Variants in PCSK5 observed in about 807,000 individuals in gnomAD.
PCSK5 encodes proprotein convertase subtilisin/kexin type 5.
A neutral mutation model predicts 233.2 loss-of-function variants in PCSK5; 129 were observed. The observed-to-expected ratio is 0.55, with a 90% CI of 0.48 to 0.64. The LOEUF (loss-of-function observed/expected upper bound fraction) is 0.64. PCSK5 is among the 30% of genes least tolerant of loss of function. The pLI is 0.00. For synonymous variants in PCSK5, 825 were observed against 879.2 expected (o/e 0.94, Z 1.09); for missense variants, 2,076 against 2,430.1 (o/e 0.85, Z 3.06).
chr9:76,007,722 G>A (rs1827537912), intron 3 of PCSK5, among the ~76,000 whole-genome samples: 1 of 151,478 alleles, frequency 6.6e-6, no homozygotes, highest in Non-Finnish European at 1.5e-5. Context: ...GACCTCCTGG[G>A]TTCAAGTGAT....
chr9:75,958,632 T>C (rs1825200291), intron 2 of PCSK5, among the ~76,000 whole-genome samples: 1 of 152,162 alleles, frequency 6.6e-6, no homozygotes, highest in African/African-American at 2.4e-5. Flanking sequence ...AAGATTTTTC[T>C]TTTCCCTTCC....
chr9:76,116,858 G>C (rs376767111), intron 9 of PCSK5, among the ~76,000 whole-genome samples: 1 of 152,034 alleles, frequency 6.6e-6, no homozygotes, highest in East Asian at 1.9e-4. Flanking sequence ...ACGGGACATG[G>C]TTAATTACAA....
At chr9:76,234,389 C>T (rs987908646) in intron 22 of PCSK5, among the ~76,000 whole-genome samples, 14 of 152,152 alleles carry the variant, frequency 9.2e-5, no homozygotes, top group Admixed American at 7.2e-4. Context: ...CCCACCATTC[C>T]CAGTTGTCTC....
intron 24 of PCSK5, among the ~76,000 whole-genome samples, chr9:76,279,158 C>T (rs553005324): frequency 0.015 from 2,113 of 145,002 alleles, 39 homozygotes; most frequent in African/African-American, 0.051. Context: ...TGAGAATATG[C>T]GGTGTTTGGT....
At chr9:76,147,402 TAG>T (rs1478278484) in intron 10 of PCSK5, among the ~76,000 whole-genome samples, 1 of 152,226 alleles carries the variant, frequency 6.6e-6, no homozygotes, top group East Asian at 1.9e-4. Context: ...ATCATGCCTA[TAG>T]AGTCTCAGGA....
At chr9:76,260,337 G>A (rs145694356) in intron 24 of PCSK5, among the ~76,000 whole-genome samples, 10 of 152,302 alleles carry the variant, frequency 6.6e-5, no homozygotes, top group African/African-American at 2.4e-4. Flanking sequence ...ACAGCAAGAG[G>A]ACTTTGAAGA....
Position 76,323,239 on chromosome 9 carries a change from G to A in PCSK5, c.4290G>A (p.Glu1430=), listed in dbSNP as rs1330525239. 6 of 1,612,638 alleles carry A rather than the reference G, an allele frequency of 3.7e-6. No individual in the cohort carries two copies. Among genetic ancestry groups the A allele is most frequent in the Non-Finnish European group, 5.1e-6 (6 of 1,179,696 alleles). ...SWVLYDGLCL[E]ECPAGTYYEK... is the part of the protein sequence containing the mutation. Reference sequence around the variant, plus strand: ...TCCTCTATGATGGACTGTGCTTGGAGGAGTGTCCAGCAGGAACCTATTATG... The same window carrying A: ...TCCTCTATGATGGACTGTGCTTGGAAGAGTGTCCAGCAGGAACCTATTATG... Residue 1430 remains glutamate, a synonymous_variant, in exon 32 of 38, where the codon GAG becomes GAA. Coordinates refer to ENST00000674117, the MANE Select transcript of PCSK5 (RefSeq NM_001372043.1).
At chr9:76,277,073 C>CA (rs1326775364) in intron 24 of PCSK5, among the ~76,000 whole-genome samples, 3 of 151,556 alleles carry the variant, frequency 2.0e-5, no homozygotes, top group East Asian at 1.9e-4. Flanking sequence ...ACAAAAAATA[C>CA]AAAAAAAATT....
chr9:75,902,922 A>G (rs529495752), intron 1 of PCSK5, among the ~76,000 whole-genome samples: 1 of 152,340 alleles, frequency 6.6e-6, no homozygotes, highest in Non-Finnish European at 1.5e-5. Flanking sequence ...AACACTGAAT[A>G]TAGAGGGGAC....
intron 12 of PCSK5, among the ~76,000 whole-genome samples, chr9:76,168,948 G>T (rs1823208948): frequency 6.6e-6 from 1 of 152,088 alleles, no homozygotes; most frequent in Non-Finnish European, 1.5e-5. Context: ...TGTATAAATT[G>T]AATCATGCAG....
chr9:76,157,047 A>G lies in PCSK5; in HGVS notation c.1315A>G (p.Ser439Gly). 6.2e-7 allele frequency: 1 copy of G among 1,610,032 alleles called. No individual in the cohort carries two copies. Among genetic ancestry groups the G allele is most frequent in the Non-Finnish European group, 8.5e-7 (1 of 1,176,326 alleles). ...GACCAGTCTCTCGCTTTCCACAGTG[A>G]GCCATCTTTATGGATTTGGACTGAT... ...WKTNAAGFKV[S>G]HLYGFGLMDA... Residue 439 changes from serine (S) to glycine (G), a missense_variant and splice_region_variant, in exon 11 of 38, where the codon AGC becomes GGC. Ser to Gly is a moderately conservative substitution (Grantham distance 56). Around this residue, in one of 6 missense-constraint regions of PCSK5, gnomAD observed 178 missense variants for 393.6 expected, o/e 0.45. Transcript: ENST00000674117.
At chr9:76,059,690 T>C (rs991965822) in intron 5 of PCSK5, among the ~76,000 whole-genome samples, 1 of 152,070 alleles carries the variant, frequency 6.6e-6, no homozygotes, top group African/African-American at 2.4e-5. Flanking sequence ...AGAAAGGCAG[T>C]TTTCAGAGAG....
At chr9:76,069,004 C>T (rs1462157223) in intron 6 of PCSK5, among the ~76,000 whole-genome samples, 1 of 152,046 alleles carries the variant, frequency 6.6e-6, no homozygotes, top group East Asian at 1.9e-4. Flanking sequence ...TTAAGGTATA[C>T]AATAATAGAA....
intron 5 of PCSK5, among the ~76,000 whole-genome samples, chr9:76,042,493 A>G (rs567413748): frequency 6.6e-6 from 1 of 152,290 alleles, no homozygotes; most frequent in East Asian, 1.9e-4. Context: ...CATTTCTACT[A>G]AAAATACAAA....
chr9:76,009,282 AC>A (rs575026419), intron 3 of PCSK5, among the ~76,000 whole-genome samples: 54 of 152,302 alleles, frequency 3.5e-4, no homozygotes, highest in African/African-American at 1.1e-3. Flanking sequence ...TTTCAGTTGG[AC>A]TAAAACTTTT....
intron 2 of PCSK5, 74 bp downstream of exon 2, chr9:75,932,557 G>C: frequency 1.2e-6 from 1 of 860,664 alleles, no homozygotes; most frequent in South Asian, 1.4e-5. Flanking sequence ...CACACTAGGG[G>C]CTGAGGACCA....
chr9:76,332,385 C>G (rs142098975), intron 33 of PCSK5, 48 bp from the exon 34 acceptor site: 1 of 1,437,282 alleles, frequency 7.0e-7, no homozygotes, highest in Non-Finnish European at 9.7e-7. Context: ...ACAGGGGAGA[C>G]ATGTGTCATG....
At chr9:76,087,274 C>T (rs555925744) in intron 7 of PCSK5, among the ~76,000 whole-genome samples, 2 of 152,288 alleles carry the variant, frequency 1.3e-5, no homozygotes, top group African/African-American at 2.4e-5. Flanking sequence ...TGATGTTCTA[C>T]CAAATTTATA....
At chr9:75,943,128 AC>A (rs1211323656) in intron 2 of PCSK5, among the ~76,000 whole-genome samples, 1 of 151,240 alleles carries the variant, frequency 6.6e-6, no homozygotes, top group Non-Finnish European at 1.5e-5. Context: ...CAGGTGATCC[AC>A]CCGCCTCTGC....
Sources: allele counts gnomAD v4.1 joint callset (sites outside exome capture counted in the v4.1 genomes callset), GRCh38; gene constraint gnomAD v4.1.1; regional missense constraint gnomAD v4.1.1; transcripts MANE v1.5; gene names NCBI Gene and HGNC (gene_info 2026-07-23, HGNC 2026-07-21).